SRP9: variants seen among roughly 807,000 people sequenced by gnomAD.
The protein encoded by SRP9 is signal recognition particle 9, also known as signal recognition particle 9 kDa protein.
In SRP9, 2 loss-of-function variants were observed where a neutral mutation model predicts 11.7. That is an observed-to-expected ratio of 0.17 (90% CI 0.07 to 0.54). The LOEUF (loss-of-function observed/expected upper bound fraction) is 0.54, where lower values mean the gene tolerates loss of function less well. Among genes scored for constraint, SRP9 ranks in the 20% least tolerant of loss-of-function variants. The probability of loss-of-function intolerance (pLI) is 0.94; values close to 1 mark genes in which losing one functional copy is unlikely to be tolerated. For missense variants in SRP9, 54 were observed against 108.1 expected (o/e 0.50, Z 2.22); for synonymous variants, 27 against 35.6 (o/e 0.76, Z 0.86).
chr1:225,788,468 G>A lies in SRP9; in HGVS notation c.142-772G>A, dbSNP rs1189697112. 2.0e-5 allele frequency among the ~76,000 whole-genome samples: 3 copies of A among 149,250 alleles called. No individual in the cohort carries two copies. The East Asian group carries it at 6.0e-4, about 30-fold the overall frequency. ...ATCTCACTCTGTCGCCCAGGCTGGA[G>A]TGCAGTGGCATGATCTTGGCTCACT... On this transcript the variant is annotated intron_variant, in intron 2 of 2. Transcript: ENST00000304786.
At chr1:225,783,690 C>A (rs1305218246) in intron 2 of SRP9, among the ~76,000 whole-genome samples, 1 of 152,216 alleles carries the variant, frequency 6.6e-6, no homozygotes, top group Non-Finnish European at 1.5e-5. Context: ...AACTTACAGG[C>A]TTTATTGTAT....
At chr1:225,781,395 CTTTTTTTTTT>C (rs11315558) in intron 1 of SRP9, among the ~76,000 whole-genome samples, 2,604 of 87,838 alleles carry the variant, frequency 0.03, 49 homozygotes, top group South Asian at 0.06. Context: ...TTTTCTTTTT[CTTTTTTTTTT>C]TTTTTTTTTT....
chr1:225,785,237 ATTTT>A (rs34100490), intron 2 of SRP9, among the ~76,000 whole-genome samples: 1 of 129,678 alleles, frequency 7.7e-6, no homozygotes. Flanking sequence ...CGCCCAACTA[ATTTT>A]TTTTTTTTTT....
At chr1:225,778,060 T>C (rs1575949888) in intron 1 of SRP9, 48 bp downstream of exon 1, 1 of 1,603,554 alleles carries the variant, frequency 6.2e-7, no homozygotes, top group East Asian at 2.2e-5. Context: ...CCAGGATGTC[T>C]TCCCGCCATC....
rs3753653 is a variant in SRP9 at position 225,781,107 on chromosome 1, T to C, written c.73-2193T>C. Among the ~76,000 whole-genome samples the C allele has an allele frequency of 2.9e-3, 440 of 152,322 alleles. 10 individuals are homozygous for C. In the East Asian group the frequency reaches 0.042, roughly 15 times the overall value. The stretch of plus-strand genomic sequence containing the variant: ...TCCTTGTTCAGAATGATTTTTAGCC[T>C]TTCTTCTGCCTTCTTCTATAAGGTT... On this transcript the variant is annotated intron_variant, in intron 1 of 2. Transcript: ENST00000304786.
At chr1:225,779,195 A>C (rs1439600508) in intron 1 of SRP9, among the ~76,000 whole-genome samples, 1 of 147,274 alleles carries the variant, frequency 6.8e-6, no homozygotes, top group East Asian at 2.0e-4. Flanking sequence ...CCCGGACTGG[A>C]GTGCAATGGC....
chr1:225,788,574 C>A (rs887710593), intron 2 of SRP9, among the ~76,000 whole-genome samples: 1 of 152,062 alleles, frequency 6.6e-6, no homozygotes. Context: ...CGCCACCACG[C>A]CCAGCTAATT....
At chr1:225,787,525 C>T (rs1237127797) in intron 2 of SRP9, among the ~76,000 whole-genome samples, 1 of 152,000 alleles carries the variant, frequency 6.6e-6, no homozygotes, top group Non-Finnish European at 1.5e-5. Context: ...CAGAACTAGA[C>T]TCGGTCTCAA....
Position 225,789,002 on chromosome 1 carries a change from C to G in SRP9, c.142-238C>G, listed in dbSNP as rs1252302795. 4 of 1,549,654 alleles carry G rather than the reference C, an allele frequency of 2.6e-6. No homozygotes were observed. The African/African-American group carries it at 4.1e-5, about 16-fold the overall frequency. ...AACATTTAACATTTTTCAGAAGCTT[C>G]TAATAGACTTCATTCAGTTTTTTGT... On this transcript the variant is annotated intron_variant, in intron 2 of 2. Coordinates refer to ENST00000304786, the MANE Select transcript of SRP9 (RefSeq NM_003133.6).
chr1:225,788,599 A>G (rs1403076009), intron 2 of SRP9, among the ~76,000 whole-genome samples: 1 of 151,846 alleles, frequency 6.6e-6, no homozygotes, highest in African/African-American at 2.4e-5. Context: ...TATTTTTAGT[A>G]GAGACGGGGT....
chr1:225,787,610 T>C (rs1392165287), intron 2 of SRP9, among the ~76,000 whole-genome samples: 1 of 152,232 alleles, frequency 6.6e-6, no homozygotes, highest in Admixed American at 6.5e-5. Flanking sequence ...ATGGCTCTTT[T>C]TGCCCTGTTA....
At chr1:225,783,877 C>T (rs186543789) in intron 2 of SRP9, among the ~76,000 whole-genome samples, 1 of 152,278 alleles carries the variant, frequency 6.6e-6, no homozygotes, top group Admixed American at 6.5e-5. Context: ...TATTTGACCT[C>T]CTTGCTGCTT....
At chr1:225,779,394 T>C (rs961744550) in intron 1 of SRP9, among the ~76,000 whole-genome samples, 1 of 152,182 alleles carries the variant, frequency 6.6e-6, no homozygotes, top group Non-Finnish European at 1.5e-5. Flanking sequence ...TCCACCCGCG[T>C]TGGCCTCCCA....
intron 2 of SRP9, among the ~76,000 whole-genome samples, chr1:225,788,875 C>CT (rs1423743885): frequency 4.6e-5 from 7 of 152,152 alleles, no homozygotes; most frequent in Middle Eastern, 3.4e-3. Flanking sequence ...TTACTTATGG[C>CT]TGGGAGAAAA....
At chr1:225,784,229 C>CTGTT (rs1665853434) in intron 2 of SRP9, among the ~76,000 whole-genome samples, 1 of 34,420 alleles carries the variant, frequency 2.9e-5, no homozygotes, top group Non-Finnish European at 5.0e-5. Context: ...ATCACCTGTT[C>CTGTT]TTTTTTTTTT....
At chr1:225,789,037 T>C in intron 2 of SRP9, 1 of 1,550,928 alleles carries the variant, frequency 6.4e-7, no homozygotes, top group South Asian at 1.2e-5. Context: ...TCCACAGCAG[T>C]GGCATTTAAA....
intron 2 of SRP9, among the ~76,000 whole-genome samples, chr1:225,786,071 C>CT (rs1665903825): frequency 6.6e-6 from 1 of 152,226 alleles, no homozygotes; most frequent in African/African-American, 2.4e-5. Context: ...TCTCTAATCT[C>CT]TGTCATTTCT....
intron 1 of SRP9, among the ~76,000 whole-genome samples, chr1:225,778,386 A>G (rs1156746654): frequency 6.6e-6 from 1 of 152,184 alleles, no homozygotes; most frequent in Non-Finnish European, 1.5e-5. Context: ...CGGTAAGGGT[A>G]CCTCATGTAT....
rs1452600120 is a variant in SRP9, at chr1:225,789,226, A to T, written c.142-14A>T. The T allele has an allele frequency of 1.9e-6, 3 of 1,608,800 alleles. No homozygotes were observed. The highest frequency in any genetic ancestry group is 2.7e-5 in the African/African-American group (2 of 74,546). On this transcript the variant is annotated splice_polypyrimidine_tract_variant and intron_variant, in intron 2 of 2. Coordinates refer to ENST00000304786, the MANE Select transcript of SRP9 (RefSeq NM_003133.6). ...TTTTATATAGTTAATATGTACTTCT[A>T]AAATTTCTGACAGTGTTTGGTGTAT... is the stretch of plus-strand genomic sequence containing the variant.
Sources: gnomAD v4.1 joint callset for allele counts (sites outside exome capture counted in the v4.1 genomes callset) on GRCh38, gnomAD v4.1.1 for gene constraint, MANE v1.5 for transcripts, NCBI Gene and HGNC (gene_info 2026-07-23, HGNC 2026-07-21) for gene names.